ASAH2: variants seen among roughly 807,000 people sequenced by gnomAD.
The protein encoded by ASAH2 is N-acylsphingosine amidohydrolase 2, also known as neutral ceramidase.
In ASAH2, 58 loss-of-function variants were observed where a neutral mutation model predicts 82.9. The observed-to-expected ratio is 0.70, with a 90% CI of 0.57 to 0.87. The LOEUF (loss-of-function observed/expected upper bound fraction) is 0.87, where lower values mean the gene tolerates loss of function less well. Among genes scored for constraint, ASAH2 ranks in the 40% least tolerant of loss-of-function variants. The pLI, the probability that ASAH2 is intolerant of heterozygous loss-of-function variation, is 0.00. For synonymous variants in ASAH2, 276 were observed against 289.7 expected (o/e 0.95, Z 0.48); for missense variants, 779 against 834.0 (o/e 0.93, Z 0.81).
rs1845665702 is a variant in ASAH2, at chr10:50,218,456, G to A, written c.1014+54C>T. 2.8e-5 allele frequency: 45 copies of A among 1,611,546 alleles called. 3 individuals carry two copies. The South Asian group carries it at 4.6e-4, about 17-fold the overall frequency. ...GAATCACCTCTTCTGAATGCAGCAT[G>A]AATGATGACACTCAGTGAATCAAGA... On this transcript the variant is annotated intron_variant, in intron 8 of 20. Transcript: ENST00000682911.
At chr10:50,245,514 A>G (rs1239764502) in intron 2 of ASAH2, 60 bp from the exon 3 acceptor site, 4 of 1,433,562 alleles carry the variant, frequency 2.8e-6, no homozygotes, top group African/African-American at 1.4e-5. Context: ...GTCAACATCA[A>G]TTAGAACACA....
chr10:50,222,845 T>C (rs1845782382), intron 7 of ASAH2, among the ~76,000 whole-genome samples: 1 of 152,176 alleles, frequency 6.6e-6, no homozygotes, highest in Non-Finnish European at 1.5e-5. Flanking sequence ...GCAGTACTTA[T>C]ATTTTATTTT....
chr10:50,245,539 GTTCATAAGGAAAAC>G, intron 2 of ASAH2, 85 bp from the exon 3 acceptor site: 1 of 1,205,538 alleles, frequency 8.3e-7, no homozygotes, highest in Admixed American at 2.6e-5. Context: ...ATAGGCTCAG[GTTCATAAGGAAAAC>G]TCTTTATATA....
In ASAH2 at chr10:50,202,877, A is replaced by G; in HGVS notation, c.1713T>C (p.Gly571=). 1.2e-6 allele frequency: 2 copies of G among 1,612,250 alleles called. No individual in the cohort carries two copies. Among genetic ancestry groups the G allele is most frequent in the Non-Finnish European group, 8.5e-7 (1 of 1,178,670 alleles). Residue 571 remains glycine (G), a synonymous_variant, in exon 16 of 21, where the codon GGT becomes GGC. Coordinates refer to ENST00000682911, the MANE Select transcript of ASAH2 (RefSeq NM_019893.4). ...GMQNMTVVIS[G]LCNVYTHYIT... ...TGTAATGTGTATAGACGTTGCATAG[A>G]CCTGAAATAACAACAGTCATGTTCT...
rs1845254689 is a variant in ASAH2 at position 50,204,922 on chromosome 10, C to G, written c.1564G>C (p.Val522Leu). ...CCAAGGGTAATAATCTGAACATCAA[C>G]AATGTCTGGATGCCAGGGGTGAGGT... The part of the protein sequence containing the change: ...SKPHPWHPDI[V>L]DVQIITLGSL... The change falls in exon 14 of 21, where the codon GTT (valine) becomes CTT (leucine). Residue 522 changes from valine (V) to leucine (L), a missense_variant. This residue lies in a region of ASAH2 where 759 missense variants were observed against 755.2 expected (regional missense o/e 1.00). Transcript: ENST00000682911. 1.2e-6 allele frequency: 2 copies of G among 1,611,490 alleles called. No homozygotes were observed. Among genetic ancestry groups the G allele is most frequent in the South Asian group, 2.2e-5 (2 of 90,718 alleles).
rs1554902565 is a variant in ASAH2, at chr10:50,187,895, G to GTGTATATA, written c.2154-392_2154-391insTATATACA. Among the ~76,000 whole-genome samples, 7 of 18,742 alleles carry GTGTATATA rather than the reference G, an allele frequency of 3.7e-4. 2 individuals are homozygous for GTGTATATA. Among genetic ancestry groups the GTGTATATA allele is most frequent in the African/African-American group, 4.2e-4 (7 of 16,560 alleles). 12.3% of individuals were successfully genotyped at this position (18,742 alleles called of 152,430 possible). ...GTTTTCTATATATATATGTGTGTGT[G>GTGTATATA]TATATATATATATATATGTATATAT... On this transcript the variant is annotated intron_variant, in intron 20 of 20. Transcript: ENST00000682911.
chr10:50,202,113 T>G (rs1326947683), intron 16 of ASAH2, among the ~76,000 whole-genome samples: 2 of 152,096 alleles, frequency 1.3e-5, no homozygotes, highest in East Asian at 3.9e-4. Context: ...GCAGGGACCT[T>G]CAGGAAAGCC....
chr10:50,218,407 G>T (rs1293866429), intron 8 of ASAH2, 103 bp downstream of exon 8: 2 of 1,501,642 alleles, frequency 1.3e-6, no homozygotes, highest in Non-Finnish European at 1.9e-6. Context: ...TGAGATTGAT[G>T]ATGACACTTT....
chr10:50,245,015 C>A (rs762849954), intron 3 of ASAH2, among the ~76,000 whole-genome samples: 1 of 151,520 alleles, frequency 6.6e-6, no homozygotes, highest in East Asian at 1.9e-4. Flanking sequence ...AAAAAAAGGC[C>A]AATGGATTTT....
At position 50,234,499 on chromosome 10, in the gene ASAH2, T is replaced by G; in HGVS notation, c.741A>C (p.Lys247Asn). ...NMKPGKIFIN[K>N]GNVDGVQINR... The stretch of plus-strand genomic sequence containing the variant: ...TGATCTGCACACCATCCACATTTCC[T>G]TTATTGATGAAGATTTTGCCTGGTT... The change falls in exon 6 of 21, where the codon AAA becomes AAC. Residue 247 changes from lysine (K) to asparagine (N), a missense_variant. Physicochemically the swap from Lys to Asn is moderately conservative, Grantham distance 94. Transcript: ENST00000682911. 6.2e-7 allele frequency: 1 copy of G among 1,613,104 alleles called. No individual in the cohort carries two copies. The highest frequency in any genetic ancestry group is 2.2e-5 in the East Asian group (1 of 44,856).
chr10:50,243,035 T>A (rs1846344835), intron 4 of ASAH2, among the ~76,000 whole-genome samples, 167 bp downstream of exon 4: 1 of 152,204 alleles, frequency 6.6e-6, no homozygotes, highest in Non-Finnish European at 1.5e-5. Flanking sequence ...ATAGTGAAGA[T>A]CATTTTCCTT....
chr10:50,229,436 T>C (rs1394037889), intron 7 of ASAH2, among the ~76,000 whole-genome samples: 3 of 152,124 alleles, frequency 2.0e-5, no homozygotes, highest in African/African-American at 7.2e-5. Context: ...CTAGAGCAAA[T>C]GGTGGCTTCA....
chr10:50,201,721 A>T (rs1480491466), intron 16 of ASAH2, among the ~76,000 whole-genome samples: 1 of 152,132 alleles, frequency 6.6e-6, no homozygotes, highest in Non-Finnish European at 1.5e-5. Context: ...AATAAAATAC[A>T]TGGAATTGAC....
At chr10:50,218,684 CA>C (rs1412846985) in intron 7 of ASAH2, 54 bp from the exon 8 acceptor site, 3 of 1,608,258 alleles carry the variant, frequency 1.9e-6, no homozygotes, top group Non-Finnish European at 2.6e-6. Flanking sequence ...GAACTGGGGC[CA>C]AGAACTATGA....
rs1445269527 is a variant in ASAH2, at chr10:50,241,363, A to C, written c.510+1839T>G. ...ACCTTCCTTTGGTTAATTATAGCTA[A>C]CTGTATATTTCTGTGTATCTCTATA... On this transcript the variant is annotated intron_variant, in intron 4 of 20. Coordinates refer to ENST00000682911, the MANE Select transcript of ASAH2 (RefSeq NM_019893.4). Among the ~76,000 whole-genome samples, 3 of 152,194 alleles carry C rather than the reference A, an allele frequency of 2.0e-5. No individual in the cohort carries two copies. In the East Asian group the frequency reaches 5.8e-4, roughly 29 times the overall value.
intron 16 of ASAH2, among the ~76,000 whole-genome samples, chr10:50,201,218 A>G (rs947820609): frequency 1.4e-4 from 22 of 151,970 alleles, no homozygotes; most frequent in Non-Finnish European, 2.6e-4. Context: ...CCACTCAATA[A>G]AACCCTGAAT....
chr10:50,243,418 CAT>C, intron 3 of ASAH2, 67 bp from the exon 4 acceptor site: 1 of 1,547,238 alleles, frequency 6.5e-7, no homozygotes, highest in Non-Finnish European at 8.8e-7. Flanking sequence ...CAGGCACAAA[CAT>C]ACAATATAGA....
In ASAH2 at chr10:50,213,062, G is replaced by T; in HGVS notation, c.1141-4C>A. Reference sequence around the variant, plus strand: ...CCTTAGCAATGCACATGCTAGGCTGGAACAAAATAAGATATGATGCATTCT... The same window carrying T: ...CCTTAGCAATGCACATGCTAGGCTGTAACAAAATAAGATATGATGCATTCT... On this transcript the variant is annotated splice_region_variant and splice_polypyrimidine_tract_variant and intron_variant, in intron 9 of 20. Transcript: ENST00000682911. 6.8e-6 allele frequency: 11 copies of T among 1,611,720 alleles called. No individual in the cohort carries two copies. The highest frequency in any genetic ancestry group is 1.3e-5 in the African/African-American group (1 of 74,978).
rs1846147698 is a variant in ASAH2 at position 50,235,932 on chromosome 10, A to G, written c.643T>C (p.Phe215Leu). Reference sequence around the variant, plus strand: ...ATGTGCTGAAAAGTTTGATTGCTAAATCCTTCACTGGCAATTACAAACACG... The same window carrying G: ...ATGTGCTGAAAAGTTTGATTGCTAAGTCCTTCACTGGCAATTACAAACACG... ...YTVFVIASEGFSNQTFQHMVT... is the reference protein window; with the variant it reads ...YTVFVIASEGLSNQTFQHMVT... Residue 215 changes from phenylalanine (F) to leucine (L), a missense_variant, in exon 5 of 21, where the codon TTT becomes CTT. Phe to Leu is a conservative substitution (Grantham distance 22, BLOSUM62 0). This residue lies in a region of ASAH2 where 759 missense variants were observed against 755.2 expected (regional missense o/e 1.00). Coordinates refer to ENST00000682911, the MANE Select transcript of ASAH2 (RefSeq NM_019893.4). 3 of 1,613,388 alleles carry G rather than the reference A, an allele frequency of 1.9e-6. No individual in the cohort carries two copies. Among genetic ancestry groups the G allele is most frequent in the Non-Finnish European group, 2.5e-6 (3 of 1,179,484 alleles).
Sources: allele counts gnomAD v4.1 joint callset (sites outside exome capture counted in the v4.1 genomes callset), GRCh38; gene constraint gnomAD v4.1.1; regional missense constraint gnomAD v4.1.1; transcripts MANE v1.5; gene names NCBI Gene and HGNC (gene_info 2026-07-23, HGNC 2026-07-21).